The following TSHZ2 variants were observed in gnomAD, a reference collection of about 807,000 sequenced individuals.
TSHZ2 encodes the protein teashirt homolog 2.
In TSHZ2, 21 loss-of-function variants were observed where a neutral mutation model predicts 74.4. The ratio of observed to expected loss-of-function variants is 0.28; its 90% CI spans 0.20 to 0.41. TSHZ2 has a LOEUF of 0.41. TSHZ2 is among the 10% of genes least tolerant of loss of function. The pLI, the probability that TSHZ2 is intolerant of heterozygous loss-of-function variation, is 1.00. For missense variants in TSHZ2, 1,244 were observed against 1,293.5 expected (o/e 0.96, Z 0.59); for synonymous variants, 540 against 515.3 (o/e 1.05, Z -0.65).
At chr20:53,372,802 G>T (rs535661544) in intron 2 of TSHZ2, among the ~76,000 whole-genome samples, 2 of 152,276 alleles carry the variant, frequency 1.3e-5, no homozygotes, top group African/African-American at 4.8e-5. Context: ...TTTTAAACCC[G>T]ATAGCTCCTC....
rs552322608 is a variant in TSHZ2, at chr20:53,066,021, G to A, written c.40+92688G>A. Among the ~76,000 whole-genome samples the A allele has an allele frequency of 5.5e-4, 84 of 152,252 alleles. 3 individuals are homozygous for A. In the South Asian group the frequency reaches 0.017, roughly 30 times the overall value. On this transcript the variant is annotated intron_variant, in intron 1 of 2. Transcript: ENST00000371497. Reference sequence around the variant, plus strand: ...ATCTGCAGCTCCCTTTCTGCTCACCGACTGAAGGCTATTCCGGAACTGCTG... The same window carrying A: ...ATCTGCAGCTCCCTTTCTGCTCACCAACTGAAGGCTATTCCGGAACTGCTG...
intron 2 of TSHZ2, among the ~76,000 whole-genome samples, chr20:53,387,845 G>A (rs956670375): frequency 5.3e-5 from 8 of 152,038 alleles, no homozygotes; most frequent in African/African-American, 1.9e-4. Flanking sequence ...TCAGGAGTTC[G>A]AGACCAGCCT....
chr20:53,224,951 T>C (rs1468080535), intron 1 of TSHZ2, among the ~76,000 whole-genome samples: 2 of 152,168 alleles, frequency 1.3e-5, no homozygotes, highest in Non-Finnish European at 2.9e-5. Flanking sequence ...ATTCCTGTAA[T>C]TGCTTAAATC....
At chr20:52,989,024 T>A (rs2122908418) in intron 1 of TSHZ2, among the ~76,000 whole-genome samples, 1 of 152,306 alleles carries the variant, frequency 6.6e-6, no homozygotes, top group South Asian at 2.1e-4. Context: ...TATTTGTATT[T>A]AAGAGTCACC....
chr20:53,213,668 A>G (rs1989365674), intron 1 of TSHZ2, among the ~76,000 whole-genome samples: 1 of 150,330 alleles, frequency 6.7e-6, no homozygotes, highest in Non-Finnish European at 1.5e-5. Context: ...TATTTGGGAC[A>G]CCATTAAGAA....
At chr20:53,473,661 G>A (rs548415862) in intron 2 of TSHZ2, among the ~76,000 whole-genome samples, 1 of 151,558 alleles carries the variant, frequency 6.6e-6, no homozygotes, top group Admixed American at 6.6e-5. Context: ...GATGGAGAAT[G>A]ACTTTGACGA....
chr20:53,084,911 C>T (rs1985651450), intron 1 of TSHZ2, among the ~76,000 whole-genome samples: 1 of 152,046 alleles, frequency 6.6e-6, no homozygotes, highest in Non-Finnish European at 1.5e-5. Context: ...TCTGTGTAGA[C>T]ATTAATAATC....
chr20:53,041,690 G>A (rs1020641544), intron 1 of TSHZ2, among the ~76,000 whole-genome samples: 1 of 152,214 alleles, frequency 6.6e-6, no homozygotes, highest in Non-Finnish European at 1.5e-5. Context: ...GATGAAGAAG[G>A]TGAGGCCCAG....
rs552056300 is a variant in TSHZ2, at chr20:53,492,847, C to T, written c.*5712C>T. On this transcript the variant is annotated 3_prime_UTR_variant, in exon 3 of 3. Transcript: ENST00000371497. ...GGTTCAAGAATCACATTCATCCTTG[C>T]TCTAAAGTGTTTACTTGCCAGCAAA... 3.3e-4 allele frequency: 50 copies of T among 152,234 alleles called. No homozygotes were observed. Among genetic ancestry groups the T allele is most frequent in the African/African-American group, 1.1e-3 (45 of 41,540 alleles). The allele number at this position is 152,234 out of a possible 1,614,324, so 9.4% of individuals were successfully genotyped here.
At chr20:53,213,669 C>T (rs1989365863) in intron 1 of TSHZ2, among the ~76,000 whole-genome samples, 1 of 149,452 alleles carries the variant, frequency 6.7e-6, no homozygotes, top group Admixed American at 6.7e-5. Flanking sequence ...ATTTGGGACA[C>T]CATTAAGAAT....
intron 1 of TSHZ2, among the ~76,000 whole-genome samples, chr20:53,024,446 G>A (rs1219745402): frequency 1.3e-5 from 2 of 151,474 alleles, no homozygotes; most frequent in African/African-American, 4.9e-5. Context: ...GGTCTAGGTA[G>A]GAGAAGAACA....
At chr20:53,125,950 G>A (rs1344519068) in intron 1 of TSHZ2, among the ~76,000 whole-genome samples, 1 of 152,196 alleles carries the variant, frequency 6.6e-6, no homozygotes. Flanking sequence ...TGACTTAGTG[G>A]CTACATTGAT....
At chr20:53,352,004 C>G (rs188250377) in intron 2 of TSHZ2, among the ~76,000 whole-genome samples, 2 of 152,298 alleles carry the variant, frequency 1.3e-5, no homozygotes, top group African/African-American at 4.8e-5. Context: ...CAGACACATA[C>G]TATGTGCACC....
chr20:53,082,990 A>G (rs1192051570), intron 1 of TSHZ2, among the ~76,000 whole-genome samples: 1 of 152,244 alleles, frequency 6.6e-6, no homozygotes, highest in African/African-American at 2.4e-5. Context: ...GGTAACTCAG[A>G]AAGAGTCCTC....
At chr20:53,310,399 T>G (rs1286508316) in intron 2 of TSHZ2, among the ~76,000 whole-genome samples, 2 of 152,224 alleles carry the variant, frequency 1.3e-5, no homozygotes, top group Non-Finnish European at 2.9e-5. Context: ...ATTTGTAGTC[T>G]GCTGCTGTGA....
chr20:53,303,166 C>T (rs10485448), intron 2 of TSHZ2, among the ~76,000 whole-genome samples: 6,116 of 152,292 alleles, frequency 0.04, 421 homozygotes, highest in African/African-American at 0.14. Flanking sequence ...TACTTAAAAA[C>T]TGCACGTGCT....
intron 1 of TSHZ2, among the ~76,000 whole-genome samples, chr20:53,081,821 T>A (rs1278584619): frequency 6.6e-6 from 1 of 152,182 alleles, no homozygotes; most frequent in African/African-American, 2.4e-5. Flanking sequence ...TTTAGAAGAC[T>A]GTGGTCCTTT....
At chr20:53,363,000 G>A (rs1168882853) in intron 2 of TSHZ2, among the ~76,000 whole-genome samples, 5 of 152,216 alleles carry the variant, frequency 3.3e-5, no homozygotes, top group Admixed American at 3.3e-4. Context: ...CACACTCACA[G>A]CCATGCAGCA....
intron 1 of TSHZ2, among the ~76,000 whole-genome samples, chr20:53,036,761 A>G (rs955224944): frequency 2.6e-4 from 39 of 147,964 alleles, no homozygotes; most frequent in African/African-American, 8.6e-4. Context: ...TATATATTAC[A>G]TAAAGTATAT....
Sources: gnomAD v4.1 joint callset for allele counts (sites outside exome capture counted in the v4.1 genomes callset) on GRCh38, gnomAD v4.1.1 for gene constraint, MANE v1.5 for transcripts, NCBI Gene and HGNC (gene_info 2026-07-23, HGNC 2026-07-21) for gene names.